The following CNTN1 variants were observed in gnomAD, a reference collection of about 807,000 sequenced individuals.
CNTN1 encodes the protein contactin-1.
Under a neutral mutation model 126.4 loss-of-function variants are expected in CNTN1, and 38 were observed. The observed-to-expected ratio is 0.30, with a 90% CI of 0.23 to 0.39. CNTN1 has a LOEUF of 0.39. CNTN1 is among the 10% of genes least tolerant of loss of function. The pLI is 1.00. For synonymous variants in CNTN1, 413 were observed against 422.6 expected, an observed-to-expected ratio of 0.98 and a Z score of 0.28; for missense variants, 1,009 against 1,248.4, an observed-to-expected ratio of 0.81 and a Z score of 2.89.
chr12:40,768,802 A>G (rs1474502224), intron 1 of CNTN1, among the ~76,000 whole-genome samples: 1 of 152,238 alleles, frequency 6.6e-6, no homozygotes, highest in African/African-American at 2.4e-5. Context: ...GAGGAGTTTG[A>G]GCAAGAAATA....
At chr12:40,706,404 C>T (rs906744069) in intron 1 of CNTN1, among the ~76,000 whole-genome samples, 5 of 152,028 alleles carry the variant, frequency 3.3e-5, no homozygotes, top group African/African-American at 1.2e-4. Flanking sequence ...CCAGGCAGAT[C>T]GACACCTCCC....
chr12:40,804,010 G>T lies in CNTN1; in HGVS notation c.-76-104347G>T, dbSNP rs1475340767. Among the ~76,000 whole-genome samples the T allele has an allele frequency of 3.9e-5, 6 of 152,018 alleles. No homozygotes were observed. The South Asian group carries it at 8.3e-4, about 21-fold the overall frequency. On this transcript the variant is annotated intron_variant, in intron 1 of 23. Transcript: ENST00000551295. ...ATGGTGGAGGTAAAGGAGTGGTTGA[G>T]TGTGCTCACTAGGCTAATTTATCTA... is the stretch of plus-strand genomic sequence containing the variant.
At chr12:41,026,782 GT>G (rs1949046449) in intron 21 of CNTN1, among the ~76,000 whole-genome samples, 1 of 152,108 alleles carries the variant, frequency 6.6e-6, no homozygotes, top group South Asian at 2.1e-4. Context: ...TTATGATGTT[GT>G]TTTTAAAAAA....
At position 40,822,148 on chromosome 12, in the gene CNTN1, C is replaced by CTTTTT. The variant is rs777953120; in HGVS notation, c.-76-86189_-76-86185dup. Among the ~76,000 whole-genome samples, 434 of 47,258 alleles carry CTTTTT rather than the reference C, an allele frequency of 9.2e-3. 57 individuals carry two copies. The highest frequency in any genetic ancestry group is 0.026 in the African/African-American group (390 of 15,266). 31.0% of individuals were successfully genotyped at this position (47,258 alleles called of 152,430 possible). The stretch of plus-strand genomic sequence containing the variant: ...TTTCCAGTCTAGACAAAATATAAAT[C>CTTTTT]TTTTTTTTTTTTTTTTTTTTTTTTG... On this transcript the variant is annotated intron_variant, in intron 1 of 23. Transcript: ENST00000551295.
chr12:40,996,430 C>T (rs534276920), intron 17 of CNTN1, among the ~76,000 whole-genome samples: 1 of 152,240 alleles, frequency 6.6e-6, no homozygotes, highest in African/African-American at 2.4e-5. Flanking sequence ...CCGGGTCTGG[C>T]CTGAGTCTCA....
At chr12:40,743,537 A>C (rs1272845055) in intron 1 of CNTN1, among the ~76,000 whole-genome samples, 1 of 152,070 alleles carries the variant, frequency 6.6e-6, no homozygotes, top group Non-Finnish European at 1.5e-5. Flanking sequence ...AACAAAGGCT[A>C]AGTATTTAGA....
At chr12:40,776,234 A>G (rs946574508) in intron 1 of CNTN1, among the ~76,000 whole-genome samples, 24 of 151,750 alleles carry the variant, frequency 1.6e-4, no homozygotes, top group Admixed American at 5.3e-4. Flanking sequence ...ATTCTACAAC[A>G]CTGTAAGACA....
chr12:40,791,111 T>A (rs1940204244), intron 1 of CNTN1, among the ~76,000 whole-genome samples: 1 of 152,174 alleles, frequency 6.6e-6, no homozygotes, highest in African/African-American at 2.4e-5. Context: ...CTACCCTTTT[T>A]AAGTGCTCTG....
chr12:40,765,519 G>A (rs1484497107), intron 1 of CNTN1, among the ~76,000 whole-genome samples: 2 of 152,174 alleles, frequency 1.3e-5, no homozygotes, highest in Non-Finnish European at 2.9e-5. Flanking sequence ...AGGAGAACAA[G>A]AATGAGTCTT....
chr12:41,039,230 G>A (rs554379271), intron 23 of CNTN1, among the ~76,000 whole-genome samples: 1 of 152,254 alleles, frequency 6.6e-6, no homozygotes, highest in Admixed American at 6.6e-5. Context: ...TCTCATGAAT[G>A]GTGGTGCAAA....
intron 1 of CNTN1, among the ~76,000 whole-genome samples, chr12:40,901,353 G>T (rs1362450499): frequency 1.3e-5 from 2 of 152,200 alleles, no homozygotes; most frequent in Non-Finnish European, 2.9e-5. Flanking sequence ...TTTCCAAAAT[G>T]TGGTCCAGGG....
intron 18 of CNTN1, 103 bp downstream of exon 18, chr12:41,014,401 C>CT: frequency 8.8e-7 from 1 of 1,133,756 alleles, no homozygotes; most frequent in Non-Finnish European, 1.3e-6. Context: ...TGACTGCCTA[C>CT]TGCACAAGCA....
rs1481830764 is a variant in CNTN1 at position 40,918,744 on chromosome 12, C to T, written c.200C>T (p.Ala67Val). 6.2e-7 allele frequency: 1 copy of T among 1,613,716 alleles called. No individual in the cohort carries two copies. The highest frequency in any genetic ancestry group is 1.7e-5 in the Admixed American group (1 of 59,988). Residue 67 changes from alanine (A) to valine (V), a missense_variant, in exon 4 of 24, where the codon GCA (alanine) becomes GTA (valine). By Grantham distance (64) the Ala-to-Val change is moderately conservative. Transcript: ENST00000551295. ...LEGKVSLNCR[A>V]RASPFPVYKW... Reference sequence around the variant, plus strand: ...GGAAAAGTCTCACTCAACTGTAGGGCACGAGCCAGCCCTTTCCCGGTTTAC... The same window carrying T: ...GGAAAAGTCTCACTCAACTGTAGGGTACGAGCCAGCCCTTTCCCGGTTTAC...
chr12:40,923,665 A>G (rs191873051), intron 5 of CNTN1, among the ~76,000 whole-genome samples: 2 of 152,138 alleles, frequency 1.3e-5, no homozygotes, highest in Non-Finnish European at 2.9e-5. Context: ...GAAGCATTTA[A>G]ATGGTTGCTT....
At chr12:40,997,906 T>A (rs1042437226) in intron 17 of CNTN1, among the ~76,000 whole-genome samples, 1 of 152,150 alleles carries the variant, frequency 6.6e-6, no homozygotes, top group Middle Eastern at 3.2e-3. Context: ...TATGAGAAAA[T>A]CATATCCAGT....
intron 23 of CNTN1, among the ~76,000 whole-genome samples, chr12:41,062,244 T>C (rs1204011480): frequency 1.3e-5 from 2 of 152,194 alleles, no homozygotes; most frequent in Non-Finnish European, 2.9e-5. Flanking sequence ...AGAAACTGGT[T>C]TGAAGCCAAT....
intron 1 of CNTN1, among the ~76,000 whole-genome samples, chr12:40,772,521 ATTAACT>A (rs1939382946): frequency 6.6e-6 from 1 of 152,022 alleles, no homozygotes; most frequent in African/African-American, 2.4e-5. Context: ...AGTTTGAAAG[ATTAACT>A]TTATACCTAT....
chr12:40,873,357 A>G (rs1233581076), intron 1 of CNTN1, among the ~76,000 whole-genome samples: 1 of 152,212 alleles, frequency 6.6e-6, no homozygotes, highest in Non-Finnish European at 1.5e-5. Context: ...AAAATGTATA[A>G]GACATAAGCT....
chr12:40,800,409 T>C (rs1940601779), intron 1 of CNTN1, among the ~76,000 whole-genome samples: 2 of 151,962 alleles, frequency 1.3e-5, no homozygotes, highest in Admixed American at 1.3e-4. Context: ...AATGGACTAA[T>C]GCAGAAGGTA....
Sources: gnomAD v4.1 joint callset for allele counts (sites outside exome capture counted in the v4.1 genomes callset) on GRCh38, gnomAD v4.1.1 for gene constraint, MANE v1.5 for transcripts, NCBI Gene and HGNC (gene_info 2026-07-23, HGNC 2026-07-21) for gene names.